The following NDST1 variants were observed in gnomAD, a reference collection of about 807,000 sequenced individuals.
NDST1 encodes the protein N-deacetylase and N-sulfotransferase 1, also known as bifunctional heparan sulfate N-deacetylase/N-sulfotransferase 1.
In NDST1, 35 loss-of-function variants were observed where a neutral mutation model predicts 92.8. That is an observed-to-expected ratio of 0.38 (90% CI 0.29 to 0.50). The LOEUF (loss-of-function observed/expected upper bound fraction) is 0.50, where lower values mean the gene tolerates loss of function less well. Among genes scored for constraint, NDST1 ranks in the 20% least tolerant of loss-of-function variants. NDST1 has a pLI of 0.94. For synonymous variants in NDST1, 493 were observed against 500.3 expected, an observed-to-expected ratio of 0.99 and a Z score of 0.19; for missense variants, 822 against 1,182.7, an observed-to-expected ratio of 0.69 and a Z score of 4.47.
At chr5:150,540,670 G>A (rs1013925443) in intron 8 of NDST1, among the ~76,000 whole-genome samples, 5 of 152,086 alleles carry the variant, frequency 3.3e-5, no homozygotes, top group Admixed American at 2.0e-4. Flanking sequence ...ACAAAAATTA[G>A]CCGGGCATGA....
At chr5:150,510,911 A>G (rs979996008) in intron 1 of NDST1, among the ~76,000 whole-genome samples, 1 of 152,222 alleles carries the variant, frequency 6.6e-6, no homozygotes, top group African/African-American at 2.4e-5. Flanking sequence ...TTGAAAAGGA[A>G]TGGAGAAAGG....
chr5:150,544,314 TGCCAAATG>T (rs1400081338), intron 10 of NDST1, among the ~76,000 whole-genome samples: 1 of 152,232 alleles, frequency 6.6e-6, no homozygotes, highest in Non-Finnish European at 1.5e-5. Flanking sequence ...CAGGTTTTGT[TGCCAAATG>T]GCTTTGCTAC....
intron 2 of NDST1, among the ~76,000 whole-genome samples, chr5:150,526,603 G>A (rs373563594): frequency 2.6e-4 from 40 of 152,284 alleles, no homozygotes; most frequent in African/African-American, 9.4e-4. Context: ...GTTGCAGGCT[G>A]GTGGGAGATA....
At chr5:150,545,965 C>G (rs184162756) in intron 11 of NDST1, among the ~76,000 whole-genome samples, 1 of 146,044 alleles carries the variant, frequency 6.8e-6, no homozygotes, top group African/African-American at 2.5e-5. Flanking sequence ...AAGCCCCTAT[C>G]TGGGGCATGT....
chr5:150,537,397 G>A (rs921929157), intron 6 of NDST1, among the ~76,000 whole-genome samples: 2 of 152,198 alleles, frequency 1.3e-5, no homozygotes, highest in Admixed American at 1.3e-4. Context: ...ACATCCCTAA[G>A]AAGAGAATGC....
chr5:150,544,406 G>A (rs17713523), intron 10 of NDST1, among the ~76,000 whole-genome samples: 46,562 of 152,146 alleles, frequency 0.31, 8,659 homozygotes, highest in Non-Finnish European at 0.4. Flanking sequence ...TTGTGGACAT[G>A]CAAAGAAAAT....
At chr5:150,522,231 G>A (rs1217727262) in intron 2 of NDST1, among the ~76,000 whole-genome samples, 1 of 152,066 alleles carries the variant, frequency 6.6e-6, no homozygotes, top group Admixed American at 6.5e-5. Context: ...GACAGTTTGG[G>A]CTCTCTATCC....
At position 150,554,361 on chromosome 5, in the gene NDST1, T is replaced by A. The variant is rs1044776737; in HGVS notation, c.*1029T>A. 1 of 140,136 alleles carries A rather than the reference T, an allele frequency of 7.1e-6. No individual in the cohort carries two copies. The highest frequency in any genetic ancestry group is 3.0e-5 in the African/African-American group (1 of 33,394). The allele number at this position is 140,136 out of a possible 1,614,324, so 8.7% of individuals were successfully genotyped here. ...TATATATATATATATATATATATAA[T>A]GTGTATATATATATATTCTATTTTT... On this transcript the variant is annotated 3_prime_UTR_variant, in exon 15 of 15. Transcript: ENST00000261797.
At chr5:150,520,006 C>T (rs549357370) in intron 1 of NDST1, among the ~76,000 whole-genome samples, 1 of 152,200 alleles carries the variant, frequency 6.6e-6, no homozygotes, top group South Asian at 2.1e-4. Flanking sequence ...CCTGTGGTGG[C>T]AGTATGGCGA....
chr5:150,514,845 G>A (rs1205361839), intron 1 of NDST1, among the ~76,000 whole-genome samples: 1 of 152,180 alleles, frequency 6.6e-6, no homozygotes, highest in Admixed American at 6.5e-5. Context: ...CATATCCTGA[G>A]TATTCAATAA....
At chr5:150,498,423 G>C (rs1179034453) in intron 1 of NDST1, among the ~76,000 whole-genome samples, 1 of 152,202 alleles carries the variant, frequency 6.6e-6, no homozygotes, top group Admixed American at 6.5e-5. Context: ...TTTGCTGAGT[G>C]ATCTTGTAAG....
chr5:150,541,573 C>A lies in NDST1; in HGVS notation c.1753C>A (p.Pro585Thr). 6 of 1,614,148 alleles carry A rather than the reference C, an allele frequency of 3.7e-6. No individual in the cohort carries two copies. The highest frequency in any genetic ancestry group is 5.1e-6 in the Non-Finnish European group (6 of 1,180,014). ...ATCCCTTCCACTGTTGTTTTAGGAC[C>A]CCTGCGAGGACAAACGTCACAAAGA... Reference protein sequence around the residue: ...SEEKDPLWQDPCEDKRHKDIW... With the variant: ...SEEKDPLWQDTCEDKRHKDIW... Residue 585 changes from proline to threonine, a missense_variant, in exon 9 of 15, where the codon CCC becomes ACC. By Grantham distance (38) the Pro-to-Thr change is conservative. Transcript: ENST00000261797.
intron 1 of NDST1, among the ~76,000 whole-genome samples, chr5:150,500,821 A>G (rs2151234068): frequency 6.6e-6 from 1 of 152,338 alleles, no homozygotes; most frequent in East Asian, 1.9e-4. Context: ...TGAGGTACAT[A>G]GAGGGAAGAC....
chr5:150,511,228 C>T (rs1016513223), intron 1 of NDST1, among the ~76,000 whole-genome samples: 1 of 152,122 alleles, frequency 6.6e-6, no homozygotes, highest in Non-Finnish European at 1.5e-5. Context: ...TTGGAGATGC[C>T]GCGTAGCAGA....
At chr5:150,526,196 G>T (rs1239721720) in intron 2 of NDST1, among the ~76,000 whole-genome samples, 1 of 152,196 alleles carries the variant, frequency 6.6e-6, no homozygotes, top group African/African-American at 2.4e-5. Context: ...GACCTCCTGA[G>T]CCCACTAACT....
Position 150,516,946 on chromosome 5 carries a change from G to C in NDST1, c.-387-3922G>C, listed in dbSNP as rs185156195. Among the ~76,000 whole-genome samples, 3 of 152,024 alleles carry C rather than the reference G, an allele frequency of 2.0e-5. No homozygotes were observed. The East Asian group carries it at 5.8e-4, about 29-fold the overall frequency. On this transcript the variant is annotated intron_variant, in intron 1 of 14. Transcript: ENST00000261797. ...CTCCCAAAGTGCTGGGATGACAGGC[G>C]TGAGCCACCACACCATTATGACATT...
At chr5:150,508,322 AGTGTGTGTGT>A (rs56201209) in intron 1 of NDST1, 96 bp downstream of exon 1, 2 of 146,000 alleles carry the variant, frequency 1.4e-5, no homozygotes, top group Non-Finnish European at 3.0e-5. Flanking sequence ...GGTCCATCTG[AGTGTGTGTGT>A]GTGTGTGTGT....
chr5:150,551,979 A>G lies in NDST1; in HGVS notation c.2529+124A>G, dbSNP rs995442835. 1.2e-5 allele frequency: 17 copies of G among 1,473,540 alleles called. No homozygotes were observed. The African/African-American group carries it at 1.7e-4, about 15-fold the overall frequency. The allele number at this position is 1,473,540 out of a possible 1,614,324, so 91.3% of individuals were successfully genotyped here. Reference sequence around the variant, plus strand: ...TGTTCATGGCCTTAGCATTTCTTGGACAGTATTTGTAAGAGGAGGAAAATG... The same window carrying G: ...TGTTCATGGCCTTAGCATTTCTTGGGCAGTATTTGTAAGAGGAGGAAAATG... On this transcript the variant is annotated intron_variant, in intron 14 of 14. Transcript: ENST00000261797.
At position 150,527,949 on chromosome 5, in the gene NDST1, TC is replaced by T; in HGVS notation, c.663del (p.Gly222AlafsTer64). The T allele has an allele frequency of 6.2e-7, 1 of 1,613,984 alleles. No homozygotes were observed. The highest frequency in any genetic ancestry group is 8.5e-7 in the Non-Finnish European group (1 of 1,179,956). On this transcript the variant is annotated frameshift_variant, in exon 3 of 15. Transcript: ENST00000261797. LOFTEE classifies it high-confidence loss of function. ...CCTAGCGAGGTGGAGAAAGGTGTGC[TC>T]CCCGGCGAGGACTGGACGGTTTTCC... ...TRPSEVEKGV[L>X]PGEDWTVFQS... is the part of the protein sequence containing the mutation.
Sources: gnomAD v4.1 joint callset for allele counts (sites outside exome capture counted in the v4.1 genomes callset) on GRCh38, gnomAD v4.1.1 for gene constraint, MANE v1.5 for transcripts, NCBI Gene and HGNC (gene_info 2026-07-23, HGNC 2026-07-21) for gene names.